GRIK5: variants seen among roughly 807,000 people sequenced by gnomAD.
GRIK5 encodes glutamate receptor ionotropic, kainate 5.
Under a neutral mutation model 97.4 loss-of-function variants are expected in GRIK5, and 43 were observed. The ratio of observed to expected loss-of-function variants is 0.44; its 90% confidence interval spans 0.35 to 0.57. The LOEUF is 0.57. GRIK5 is among the 20% of genes least tolerant of loss of function. The pLI is 0.01. For missense variants in GRIK5, 1,015 were observed against 1,382.0 expected, an observed-to-expected ratio of 0.73 and a Z score of 4.21; for synonymous variants, 580 against 583.5, an observed-to-expected ratio of 0.99 and a Z score of 0.09.
rs533568153 is a variant in GRIK5 at position 42,029,463 on chromosome 19, C to T, written c.1474-7109G>A. On this transcript the variant is annotated intron_variant, in intron 12 of 19. Transcript: ENST00000593562. ...TCTCTACTAAAAATACAAAAATTAGCCAGGCTTGGTGGCAGGCGCCTGTGT... is the reference window on the plus strand; with the variant it reads ...TCTCTACTAAAAATACAAAAATTAGTCAGGCTTGGTGGCAGGCGCCTGTGT... 2.0e-5 allele frequency among the ~76,000 whole-genome samples: 3 copies of T among 152,054 alleles called. 1 individual carries two copies. The South Asian group carries it at 6.3e-4, about 32-fold the overall frequency.
chr19:42,056,062 T>A (rs1350456928), intron 8 of GRIK5, among the ~76,000 whole-genome samples: 1 of 151,780 alleles, frequency 6.6e-6, no homozygotes, highest in Admixed American at 6.6e-5. Context: ...CTCAGCTCAC[T>A]GCAACCTCCG....
Position 42,053,604 on chromosome 19 carries a change from G to A in GRIK5, c.1267C>T (p.Leu423=), listed in dbSNP as rs766389705. The change falls in exon 11 of 20, where the codon CTG becomes TTG. Residue 423 remains leucine (L), a splice_region_variant and synonymous_variant. Transcript: ENST00000593562. ...ANKTLVVTTI[L]ENPYVMRRPN... ...GGCCCCCATCTAGGGCCACTCACCA[G>A]GATGGTTGTGACCACCAGGGTCTTG... 1 of 1,587,666 alleles carries A rather than the reference G, an allele frequency of 6.3e-7. No individual in the cohort carries two copies. The highest frequency in any genetic ancestry group is 1.3e-5 in the African/African-American group (1 of 74,502).
At chr19:42,037,108 C>T (rs2075915518) in intron 12 of GRIK5, among the ~76,000 whole-genome samples, 2 of 152,242 alleles carry the variant, frequency 1.3e-5, no homozygotes, top group Non-Finnish European at 2.9e-5. Flanking sequence ...GCAGTAGTGA[C>T]CACATGTGAG....
chr19:42,039,567 C>G (rs1031767238), intron 12 of GRIK5, among the ~76,000 whole-genome samples: 1 of 152,206 alleles, frequency 6.6e-6, no homozygotes, highest in African/African-American at 2.4e-5. Context: ...AAGAGCACAT[C>G]GGGCTTGTTC....
At chr19:42,025,722 T>C (rs895492514) in intron 12 of GRIK5, among the ~76,000 whole-genome samples, 1 of 152,108 alleles carries the variant, frequency 6.6e-6, no homozygotes, top group African/African-American at 2.4e-5. Context: ...GGCCACCATC[T>C]CTGACTGAAT....
intron 11 of GRIK5, among the ~76,000 whole-genome samples, chr19:42,044,421 C>T (rs771326777): frequency 1.3e-5 from 2 of 152,184 alleles, no homozygotes; most frequent in Non-Finnish European, 2.9e-5. Flanking sequence ...GCCACATTGA[C>T]GCTTATTTCT....
chr19:42,030,088 A>G (rs2146076077), intron 12 of GRIK5, among the ~76,000 whole-genome samples: 1 of 152,364 alleles, frequency 6.6e-6, no homozygotes, highest in South Asian at 2.1e-4. Context: ...TAACAACTTT[A>G]CATTTAGTTA....
rs1222336755 is a variant in GRIK5 at position 42,021,374 on chromosome 19, C to T, written c.1798G>A (p.Val600Met). The T allele has an allele frequency of 2.5e-6, 4 of 1,613,498 alleles. No individual in the cohort carries two copies. The highest frequency in any genetic ancestry group is 2.5e-6 in the Non-Finnish European group (3 of 1,179,858). The change falls in exon 15 of 20, where the codon GTG becomes ATG. Residue 600 changes from valine (V) to methionine (M), a missense_variant. Physicochemically the swap from Val to Met is conservative, Grantham distance 21. Transcript: ENST00000593562. The surrounding 1 kb of genome is among the most constrained non-coding windows in gnomAD (Gnocchi z 4.2). ...YTLGNSLWFPVGGFMQQGSEI... is the reference protein window; with the variant it reads ...YTLGNSLWFPMGGFMQQGSEI... ...GAGCCCTGCTGCATGAAGCCCCCCA[C>T]GGGAAACCACAGGCTGTTGCCCAGC...
At chr19:42,044,999 C>T (rs911305262) in intron 11 of GRIK5, among the ~76,000 whole-genome samples, 1 of 152,224 alleles carries the variant, frequency 6.6e-6, no homozygotes, top group African/African-American at 2.4e-5. Context: ...GCTGTGCATT[C>T]TCTCGATGAC....
At chr19:42,036,006 G>A (rs748718306) in intron 12 of GRIK5, among the ~76,000 whole-genome samples, 3 of 151,976 alleles carry the variant, frequency 2.0e-5, no homozygotes, top group Non-Finnish European at 4.4e-5. Context: ...TTTTATAACC[G>A]GAAACACAGT....
intron 3 of GRIK5, among the ~76,000 whole-genome samples, chr19:42,063,888 G>C (rs1473727448): frequency 1.3e-5 from 2 of 152,118 alleles, no homozygotes; most frequent in East Asian, 1.9e-4. Context: ...GGCTGAGTTT[G>C]GTTTCTGCCA....
Position 41,999,098 on chromosome 19 carries a change from G to A in GRIK5, c.2716C>T (p.Pro906Ser). The change falls in exon 20 of 20, where the codon CCG becomes TCG. Residue 906 changes from proline to serine, a missense_variant. By Grantham distance (74) the Pro-to-Ser change is moderately conservative (BLOSUM62 -1). Coordinates refer to ENST00000593562, the MANE Select transcript of GRIK5 (RefSeq NM_002088.5). The surrounding 1 kb of genome is among the most constrained non-coding windows in gnomAD (Gnocchi z 5.0). ...GGDAGSAHGGPQRLLDDPGPP... is the reference protein window; with the variant it reads ...GGDAGSAHGGSQRLLDDPGPP... ...CCCGGGTCGTCCAGGAGGCGCTGCG[G>A]GCCCCCGTGCGCGCTGCCCGCATCC... The A allele has an allele frequency of 7.4e-7, 1 of 1,348,018 alleles. No individual in the cohort carries two copies. Among genetic ancestry groups the A allele is most frequent in the Non-Finnish European group, 9.5e-7 (1 of 1,055,742 alleles). 83.5% of individuals were successfully genotyped at this position (1,348,018 alleles called of 1,614,324 possible).
In GRIK5 at chr19:42,053,910, G is replaced by A. The variant is rs1188328211; in HGVS notation, c.1076C>T (p.Thr359Ile). ...YLRMVEYDGL[T>I]GRVEFNSKGQ... ...TTTGCTGTTGAACTCGACCCGCCCG[G>A]TCAGCCCATCATACTCTACCTGGCA... is the stretch of plus-strand genomic sequence containing the variant. Residue 359 changes from threonine (T) to isoleucine (I), a missense_variant, in exon 10 of 20, where the codon ACC becomes ATC. Coordinates refer to ENST00000593562, the MANE Select transcript of GRIK5 (RefSeq NM_002088.5). 1 of 1,613,562 alleles carries A rather than the reference G, an allele frequency of 6.2e-7. No homozygotes were observed. The highest frequency in any genetic ancestry group is 8.5e-7 in the Non-Finnish European group (1 of 1,179,542).
At chr19:42,064,588 T>C (rs1298493951) in intron 3 of GRIK5, among the ~76,000 whole-genome samples, 1 of 152,140 alleles carries the variant, frequency 6.6e-6, no homozygotes, top group African/African-American at 2.4e-5. Flanking sequence ...GCCTGTGAAA[T>C]GCCATACCCC....
intron 12 of GRIK5, among the ~76,000 whole-genome samples, chr19:42,033,511 G>A (rs890494277): frequency 6.6e-6 from 1 of 151,896 alleles, no homozygotes; most frequent in African/African-American, 2.4e-5. Flanking sequence ...GTTGCCAGGG[G>A]TTGGGGTAGC....
At position 41,998,731 on chromosome 19, in the gene GRIK5, A is replaced by C. The variant is rs1266248340; in HGVS notation, c.*140T>G. 29 of 277,972 alleles carry C rather than the reference A, an allele frequency of 1.0e-4. No homozygotes were observed. Among genetic ancestry groups the C allele is most frequent in the Non-Finnish European group, 1.4e-4 (24 of 173,596 alleles). 17.2% of individuals were successfully genotyped at this position (277,972 alleles called of 1,614,324 possible). ...AGCCAGGCCTCGGACTTCGCGGGGA[A>C]CCAAAGGCAAAATCGCGGCGTCCGG... On this transcript the variant is annotated 3_prime_UTR_variant, in exon 20 of 20. Coordinates refer to ENST00000593562, the MANE Select transcript of GRIK5 (RefSeq NM_002088.5).
chr19:42,010,429 G>T (rs2075547616), intron 15 of GRIK5, among the ~76,000 whole-genome samples: 1 of 152,124 alleles, frequency 6.6e-6, no homozygotes, highest in Admixed American at 6.5e-5. Context: ...CAGCTAGAAG[G>T]GGGGAAACAT....
At chr19:42,068,349 C>A (rs1043715084) in intron 1 of GRIK5, 1 of 166,822 alleles carries the variant, frequency 6.0e-6, no homozygotes, top group African/African-American at 2.4e-5. Context: ...TGAAAGCCCC[C>A]AGACATGGAG....
In GRIK5 at chr19:42,003,956, C is replaced by G. The variant is rs2075456346; in HGVS notation, c.2264-273G>C. Among the ~76,000 whole-genome samples the G allele has an allele frequency of 6.6e-6, 1 of 152,182 alleles. No individual in the cohort carries two copies. Among genetic ancestry groups the G allele is most frequent in the Admixed American group, 6.5e-5 (1 of 15,290 alleles). On this transcript the variant is annotated intron_variant, in intron 17 of 19. Coordinates refer to ENST00000593562, the MANE Select transcript of GRIK5 (RefSeq NM_002088.5). The surrounding 1 kb of genome is among the most constrained non-coding windows in gnomAD (Gnocchi z 4.2). ...TCCTCCCCTCGGCCACTCTCAGACA[C>G]CCTCACCCCCACGGCTCTCAGCTCC...
Sources: gnomAD v4.1 joint callset for allele counts (sites outside exome capture counted in the v4.1 genomes callset) on GRCh38, gnomAD v4.1.1 for gene constraint, Gnocchi (gnomAD v3.1) non-coding constraint, MANE v1.5 for transcripts, NCBI Gene and HGNC (gene_info 2026-07-23, HGNC 2026-07-21) for gene names.